CSMD1: variants seen among roughly 807,000 people sequenced by gnomAD.
CSMD1 encodes the protein CUB and Sushi multiple domains 1, also known as CUB and sushi domain-containing protein 1.
CSMD1 carries 213 observed loss-of-function variants against 417.5 expected under a neutral mutation model. The ratio of observed to expected loss-of-function variants is 0.51; its 90% CI spans 0.46 to 0.57. CSMD1 has a LOEUF of 0.57. Among genes scored for constraint, CSMD1 ranks in the 20% least tolerant of loss-of-function variants. CSMD1 has a pLI of 0.00. For missense variants in CSMD1, 6,923 were observed against 4,529.7 expected, an observed-to-expected ratio of 1.53 and a Z score of -15.17; for synonymous variants, 2,862 against 1,736.8, an observed-to-expected ratio of 1.65 and a Z score of -16.11.
At chr8:4,159,160 C>T (rs893024538) in intron 3 of CSMD1, among the ~76,000 whole-genome samples, 2 of 152,142 alleles carry the variant, frequency 1.3e-5, no homozygotes, top group African/African-American at 2.4e-5. Context: ...AGGTAATCCA[C>T]CTGTCTCGGC....
At chr8:4,021,456 C>T (rs1221090235) in intron 4 of CSMD1, among the ~76,000 whole-genome samples, 1 of 152,122 alleles carries the variant, frequency 6.6e-6, no homozygotes, top group Non-Finnish European at 1.5e-5. Context: ...AAGGACCTGG[C>T]TTTTGTTGGT....
intron 6 of CSMD1, among the ~76,000 whole-genome samples, chr8:3,736,417 A>G (rs935030093): frequency 6.6e-6 from 1 of 151,966 alleles, no homozygotes; most frequent in Non-Finnish European, 1.5e-5. Context: ...CTAATGTAAA[A>G]AAAAAAATGT....
chr8:4,126,264 C>T (rs975466606), intron 3 of CSMD1, among the ~76,000 whole-genome samples: 1 of 152,172 alleles, frequency 6.6e-6, no homozygotes, highest in Non-Finnish European at 1.5e-5. Flanking sequence ...ACGACCGGCT[C>T]TGCATGAATC....
chr8:4,269,441 G>C (rs1027093245), intron 3 of CSMD1, among the ~76,000 whole-genome samples: 2 of 152,108 alleles, frequency 1.3e-5, no homozygotes, highest in African/African-American at 4.8e-5. Flanking sequence ...TTTTCTCTCT[G>C]AAGTTTAATC....
At chr8:4,169,545 C>G (rs1056124246) in intron 3 of CSMD1, among the ~76,000 whole-genome samples, 9 of 152,146 alleles carry the variant, frequency 5.9e-5, no homozygotes, top group African/African-American at 2.2e-4. Flanking sequence ...AGCCTCCAAA[C>G]TCATGTTACT....
intron 3 of CSMD1, among the ~76,000 whole-genome samples, chr8:4,061,226 GAGAGGAA>G (rs1326675868): frequency 1.3e-5 from 2 of 152,182 alleles, no homozygotes; most frequent in Non-Finnish European, 2.9e-5. Context: ...CTGCTGATTA[GAGAGGAA>G]AGAGGAGCTG....
At chr8:3,089,049 C>T (rs1466367044) in intron 48 of CSMD1, among the ~76,000 whole-genome samples, 1 of 152,098 alleles carries the variant, frequency 6.6e-6, no homozygotes, top group East Asian at 1.9e-4. Flanking sequence ...TTTCCTAACT[C>T]ACTTAGGATA....
At chr8:4,429,789 T>C (rs150579888) in intron 2 of CSMD1, among the ~76,000 whole-genome samples, 28 of 152,288 alleles carry the variant, frequency 1.8e-4, no homozygotes, top group East Asian at 7.8e-4. Context: ...TGTTGAAATA[T>C]ACCGGCAATC....
In CSMD1 at chr8:4,263,668, T is replaced by C. The variant is rs549565871; in HGVS notation, c.415+156285A>G. 7.9e-5 allele frequency among the ~76,000 whole-genome samples: 12 copies of C among 152,296 alleles called. No homozygotes were observed. In the East Asian group the frequency reaches 2.1e-3, roughly 27 times the overall value. On this transcript the variant is annotated intron_variant, in intron 3 of 69. Coordinates refer to ENST00000635120, the MANE Select transcript of CSMD1 (RefSeq NM_033225.6). Reference sequence around the variant, plus strand: ...GCAATAACTCTATGACCAATATAATTTTGAATTATTTATATCACCTTAATT... The same window carrying C: ...GCAATAACTCTATGACCAATATAATCTTGAATTATTTATATCACCTTAATT...
intron 49 of CSMD1, among the ~76,000 whole-genome samples, chr8:3,064,251 A>T (rs533220475): frequency 3.5e-4 from 53 of 152,272 alleles, no homozygotes; most frequent in African/African-American, 1.2e-3. Context: ...ACCTGCCCAA[A>T]TCTCATGTTG....
chr8:4,292,323 G>A (rs753278050), intron 3 of CSMD1, among the ~76,000 whole-genome samples: 23 of 152,102 alleles, frequency 1.5e-4, no homozygotes, highest in Non-Finnish European at 2.6e-4. Flanking sequence ...CGCGACCTGG[G>A]CTCACTGCAA....
intron 1 of CSMD1, among the ~76,000 whole-genome samples, chr8:4,986,079 A>G (rs146856781): frequency 1.2e-4 from 19 of 152,310 alleles, no homozygotes; most frequent in African/African-American, 4.6e-4. Context: ...CCTACCAAAT[A>G]AAAGGGATAG....
At chr8:3,712,164 C>T (rs73658219) in intron 6 of CSMD1, among the ~76,000 whole-genome samples, 5,191 of 34,986 alleles carry the variant, frequency 0.15, 285 homozygotes, top group African/African-American at 0.33. Context: ...CAAGTTACTA[C>T]GTTCTCTTAT....
At chr8:3,084,286 G>T (rs369039935) in intron 49 of CSMD1, among the ~76,000 whole-genome samples, 1 of 152,080 alleles carries the variant, frequency 6.6e-6, no homozygotes, top group African/African-American at 2.4e-5. Flanking sequence ...CACTTTGGGA[G>T]GCTGAGGCAG....
At chr8:4,087,685 G>A (rs893859262) in intron 3 of CSMD1, among the ~76,000 whole-genome samples, 1 of 151,734 alleles carries the variant, frequency 6.6e-6, no homozygotes, top group South Asian at 2.1e-4. Flanking sequence ...TCTTCCTCTC[G>A]TGTCTCTGCC....
At chr8:3,486,165 T>G (rs1166278519) in intron 11 of CSMD1, among the ~76,000 whole-genome samples, 1 of 152,246 alleles carries the variant, frequency 6.6e-6, no homozygotes, top group East Asian at 1.9e-4. Flanking sequence ...AATTTGATTC[T>G]GAACATGGCA....
intron 5 of CSMD1, among the ~76,000 whole-genome samples, chr8:3,994,124 G>C (rs145112438): frequency 2.0e-5 from 3 of 152,150 alleles, no homozygotes; most frequent in Non-Finnish European, 1.5e-5. Context: ...TGGAAGTTAA[G>C]AATCGATGCA....
intron 8 of CSMD1, among the ~76,000 whole-genome samples, chr8:3,609,545 C>T (rs867231947): frequency 6.6e-6 from 1 of 151,610 alleles, no homozygotes; most frequent in Non-Finnish European, 1.5e-5. Context: ...TCTCAAGAAC[C>T]CAGAATAATA....
chr8:4,470,651 G>T (rs1437605507), intron 2 of CSMD1, among the ~76,000 whole-genome samples: 1 of 152,188 alleles, frequency 6.6e-6, no homozygotes, highest in Non-Finnish European at 1.5e-5. Context: ...TCAACAGTGA[G>T]ATTTCTAAAC....
Sources: allele counts gnomAD v4.1 joint callset (sites outside exome capture counted in the v4.1 genomes callset), GRCh38; gene constraint gnomAD v4.1.1; transcripts MANE v1.5; gene names NCBI Gene and HGNC (gene_info 2026-07-23, HGNC 2026-07-21).